The following RAPGEF4 variants were observed in gnomAD, a reference collection of about 807,000 sequenced individuals.
RAPGEF4 encodes the protein Rap guanine nucleotide exchange factor 4.
A neutral mutation model predicts 147.9 loss-of-function variants in RAPGEF4; 66 were observed. The observed-to-expected ratio is 0.45, with a 90% CI of 0.37 to 0.55. The LOEUF is 0.55. Ranked by LOEUF, RAPGEF4 falls within the 20% of genes least tolerant of loss-of-function variation. The pLI is 0.00. For synonymous variants in RAPGEF4, 419 were observed against 442.7 expected, an observed-to-expected ratio of 0.95 and a Z score of 0.67; for missense variants, 1,071 against 1,257.3, an observed-to-expected ratio of 0.85 and a Z score of 2.24.
At chr2:173,043,578 G>A (rs1245095564) in intron 29 of RAPGEF4, among the ~76,000 whole-genome samples, 1 of 152,202 alleles carries the variant, frequency 6.6e-6, no homozygotes, top group African/African-American at 2.4e-5. Context: ...ACTTGGACTA[G>A]GGCACAAGAG....
At chr2:173,019,860 C>G (rs1695885863) in intron 22 of RAPGEF4, among the ~76,000 whole-genome samples, 1 of 152,156 alleles carries the variant, frequency 6.6e-6, no homozygotes, top group African/African-American at 2.4e-5. Flanking sequence ...TAACTTCTTC[C>G]CCTTACACAA....
At chr2:173,038,898 C>T (rs1320800609) in intron 29 of RAPGEF4, among the ~76,000 whole-genome samples, 1 of 152,122 alleles carries the variant, frequency 6.6e-6, no homozygotes, top group Non-Finnish European at 1.5e-5. Context: ...GGTGTCCCAT[C>T]CGTAACCTGC....
intron 29 of RAPGEF4, among the ~76,000 whole-genome samples, chr2:173,037,758 A>C (rs543788619): frequency 1.2e-3 from 186 of 152,254 alleles, no homozygotes; most frequent in African/African-American, 4.4e-3. Context: ...TTCAGTACAC[A>C]GTTTCATCAC....
chr2:173,022,585 C>T (rs1696216049), intron 23 of RAPGEF4, among the ~76,000 whole-genome samples: 1 of 152,232 alleles, frequency 6.6e-6, no homozygotes, highest in Non-Finnish European at 1.5e-5. Flanking sequence ...GATCCATCCA[C>T]ACATGCTTCT....
At position 172,917,842 on chromosome 2, in the gene RAPGEF4, A is replaced by C. The variant is rs749335446; in HGVS notation, c.485A>C (p.Tyr162Ser). ...QYMAGLLAPP[Y>S]GVMETGSNND... ...ATGGCAGGACTTCTGGCTCCTCCTTATGGTGTTATGGAAACGGGCTCTAAC... is the reference window on the plus strand; with the variant it reads ...ATGGCAGGACTTCTGGCTCCTCCTTCTGGTGTTATGGAAACGGGCTCTAAC... Residue 162 changes from tyrosine to serine, a missense_variant, in exon 5 of 31, where the codon TAT (tyrosine) becomes TCT (serine). Transcript: ENST00000397081. 3.1e-6 allele frequency: 5 copies of C among 1,613,778 alleles called. No individual in the cohort carries two copies. The highest frequency in any genetic ancestry group is 4.2e-6 in the Non-Finnish European group (5 of 1,179,826).
At chr2:172,815,884 A>G (rs918714147) in intron 4 of RAPGEF4, among the ~76,000 whole-genome samples, 8 of 152,202 alleles carry the variant, frequency 5.3e-5, no homozygotes, top group Non-Finnish European at 1.2e-4. Context: ...AAAATTTCAA[A>G]TAGACAGAAA....
chr2:172,888,003 C>T (rs573117993), intron 4 of RAPGEF4, among the ~76,000 whole-genome samples: 1 of 152,182 alleles, frequency 6.6e-6, no homozygotes, highest in Non-Finnish European at 1.5e-5. Context: ...GTGTTTATCT[C>T]CTACTAGAGT....
intron 4 of RAPGEF4, among the ~76,000 whole-genome samples, chr2:172,865,111 C>T (rs575516970): frequency 6.6e-6 from 1 of 152,302 alleles, no homozygotes; most frequent in African/African-American, 2.4e-5. Context: ...CCAGAGAAAA[C>T]CACACCACTT....
intron 4 of RAPGEF4, among the ~76,000 whole-genome samples, chr2:172,833,351 A>T (rs1419218342): frequency 2.1e-4 from 32 of 151,796 alleles, no homozygotes; most frequent in Admixed American, 8.5e-4. Context: ...AAGGGGAAGA[A>T]CGCATTTTAT....
At chr2:172,764,349 C>T (rs1696631575) in intron 1 of RAPGEF4, among the ~76,000 whole-genome samples, 2 of 152,086 alleles carry the variant, frequency 1.3e-5, no homozygotes, top group African/African-American at 4.8e-5. Context: ...ATGATTCTTA[C>T]ACAAAGTAGG....
intron 4 of RAPGEF4, among the ~76,000 whole-genome samples, chr2:172,877,287 T>C (rs1696064303): frequency 6.6e-6 from 1 of 152,092 alleles, no homozygotes; most frequent in Non-Finnish European, 1.5e-5. Flanking sequence ...ACACCCCACA[T>C]GTTCTCACTC....
At chr2:172,822,381 T>A (rs965458300) in intron 4 of RAPGEF4, among the ~76,000 whole-genome samples, 2 of 152,196 alleles carry the variant, frequency 1.3e-5, no homozygotes, top group East Asian at 3.9e-4. Context: ...AGATTGTGGG[T>A]GATGGTATTT....
At chr2:172,894,061 A>G (rs1459423256) in intron 4 of RAPGEF4, 1 of 152,304 alleles carries the variant, frequency 6.6e-6, no homozygotes, top group African/African-American at 2.4e-5. Context: ...AAAGATGTAA[A>G]GAATCAGAGC....
intron 25 of RAPGEF4, among the ~76,000 whole-genome samples, chr2:173,028,398 ACTCT>A (rs2105961816): frequency 6.6e-6 from 1 of 152,230 alleles, no homozygotes; most frequent in South Asian, 2.1e-4. Context: ...GAAGAAGCAC[ACTCT>A]CTCTCTTCAC....
chr2:172,739,694 A>G (rs1203066282), intron 1 of RAPGEF4, among the ~76,000 whole-genome samples: 2 of 152,134 alleles, frequency 1.3e-5, no homozygotes, highest in Non-Finnish European at 2.9e-5. Flanking sequence ...TAATGAAAAT[A>G]TTTTTCCCGT....
chr2:173,044,260 A>G (rs552632198), intron 29 of RAPGEF4, among the ~76,000 whole-genome samples: 3 of 108,574 alleles, frequency 2.8e-5, no homozygotes, highest in Admixed American at 1.3e-4. Context: ...GTAAACTGTC[A>G]TGGCGCCGGG....
At chr2:172,939,951 T>A (rs1038273614) in intron 6 of RAPGEF4, among the ~76,000 whole-genome samples, 17 of 152,194 alleles carry the variant, frequency 1.1e-4, no homozygotes, top group African/African-American at 4.1e-4. Flanking sequence ...TGTGGGTCTA[T>A]TTTTGGACTT....
chr2:172,917,204 A>C (rs932449985), intron 4 of RAPGEF4, among the ~76,000 whole-genome samples: 2 of 152,236 alleles, frequency 1.3e-5, no homozygotes, highest in African/African-American at 4.8e-5. Flanking sequence ...GTTACAATTC[A>C]GGGGAATCCA....
intron 25 of RAPGEF4, among the ~76,000 whole-genome samples, chr2:173,029,755 C>T (rs1478733887): frequency 6.6e-6 from 1 of 152,200 alleles, no homozygotes; most frequent in African/African-American, 2.4e-5. Flanking sequence ...CCTTAGTGCC[C>T]TCTCAAGCTG....
Sources: gnomAD v4.1 joint callset for allele counts (sites outside exome capture counted in the v4.1 genomes callset) on GRCh38, gnomAD v4.1.1 for gene constraint, MANE v1.5 for transcripts, NCBI Gene and HGNC (gene_info 2026-07-23, HGNC 2026-07-21) for gene names.